The following TAOK3 variants were observed in gnomAD, a reference collection of about 807,000 sequenced individuals.
The protein encoded by TAOK3 is TAO kinase 3, also known as serine/threonine-protein kinase TAO3.
In TAOK3, 40 loss-of-function variants were observed where a neutral mutation model predicts 120.4. The observed-to-expected ratio is 0.33, with a 90% confidence interval of 0.26 to 0.43. The LOEUF (loss-of-function observed/expected upper bound fraction) is 0.43, where lower values mean the gene tolerates loss of function less well. TAOK3 is among the 20% of genes least tolerant of loss of function. TAOK3 has a pLI of 1.00. For synonymous variants in TAOK3, 355 were observed against 387.5 expected (o/e 0.92, Z 0.99); for missense variants, 821 against 1,112.1 (o/e 0.74, Z 3.72).
At chr12:118,297,899 T>C (rs1242497809) in intron 1 of TAOK3, among the ~76,000 whole-genome samples, 1 of 151,866 alleles carries the variant, frequency 6.6e-6, no homozygotes, top group Non-Finnish European at 1.5e-5. Flanking sequence ...GGGGGAAAAA[T>C]AGTAACAATA....
At chr12:118,190,018 T>G in intron 13 of TAOK3, 77 bp from the exon 14 acceptor site, 2 of 1,579,312 alleles carry the variant, frequency 1.3e-6, no homozygotes, top group Non-Finnish European at 1.7e-6. Flanking sequence ...TCACCCCTCT[T>G]TCTGCACAAG....
chr12:118,231,801 T>C (rs1054677678), intron 9 of TAOK3, among the ~76,000 whole-genome samples: 1 of 151,702 alleles, frequency 6.6e-6, no homozygotes, highest in African/African-American at 2.4e-5. Context: ...TGCATGCCTG[T>C]AATCCCAGCT....
intron 17 of TAOK3, among the ~76,000 whole-genome samples, chr12:118,169,951 G>C (rs532920576): frequency 6.6e-6 from 1 of 151,464 alleles, no homozygotes; most frequent in African/African-American, 2.4e-5. Context: ...TCCATCTCCC[G>C]ACCTCGTGAT....
chr12:118,233,561 T>C (rs754661173), intron 9 of TAOK3, 113 bp downstream of exon 9: 11 of 825,856 alleles, frequency 1.3e-5, no homozygotes, highest in Non-Finnish European at 1.8e-5. Flanking sequence ...ACTCATTAAG[T>C]AATAGCCAGA....
intron 1 of TAOK3, among the ~76,000 whole-genome samples, chr12:118,368,493 C>T (rs1209127881): frequency 2.0e-5 from 3 of 146,976 alleles, no homozygotes; most frequent in Non-Finnish European, 3.0e-5. Context: ...CCACCGCGCC[C>T]GGCCTGGTTA....
At chr12:118,184,008 A>G (rs1391614263) in intron 14 of TAOK3, among the ~76,000 whole-genome samples, 1 of 152,144 alleles carries the variant, frequency 6.6e-6, no homozygotes, top group Non-Finnish European at 1.5e-5. Context: ...GGTGTCTGTA[A>G]AGAGGGTGGC....
intron 1 of TAOK3, among the ~76,000 whole-genome samples, chr12:118,365,895 T>C (rs1185203637): frequency 6.6e-6 from 1 of 152,222 alleles, no homozygotes; most frequent in Non-Finnish European, 1.5e-5. Flanking sequence ...AAACTGTATG[T>C]ATACGGTTTG....
intron 1 of TAOK3, among the ~76,000 whole-genome samples, chr12:118,314,532 T>C (rs1461497233): frequency 1.3e-5 from 2 of 152,162 alleles, no homozygotes; most frequent in African/African-American, 2.4e-5. Flanking sequence ...CTTTATTAGA[T>C]CTAATGTGAT....
intron 11 of TAOK3, among the ~76,000 whole-genome samples, chr12:118,205,179 A>C (rs1018260131): frequency 6.6e-6 from 1 of 151,702 alleles, no homozygotes; most frequent in Admixed American, 6.6e-5. Context: ...AAAAAAAATA[A>C]AAATAATAAA....
At chr12:118,226,763 T>C (rs1020972305) in intron 9 of TAOK3, among the ~76,000 whole-genome samples, 1 of 152,126 alleles carries the variant, frequency 6.6e-6, no homozygotes, top group East Asian at 1.9e-4. Context: ...TAAAATGCAA[T>C]CAAAGGCTGA....
intron 3 of TAOK3, among the ~76,000 whole-genome samples, chr12:118,252,444 G>A (rs1461744445): frequency 6.6e-6 from 1 of 152,018 alleles, no homozygotes; most frequent in African/African-American, 2.4e-5. Context: ...TCTGACTGAG[G>A]GAGACATAAA....
intron 11 of TAOK3, among the ~76,000 whole-genome samples, chr12:118,208,654 A>G (rs1365097549): frequency 6.6e-6 from 1 of 152,172 alleles, no homozygotes; most frequent in Non-Finnish European, 1.5e-5. Flanking sequence ...ATATCTATCT[A>G]AATTTAAAAT....
intron 1 of TAOK3, among the ~76,000 whole-genome samples, chr12:118,267,101 G>T (rs1323104207): frequency 6.6e-6 from 1 of 152,076 alleles, no homozygotes; most frequent in Non-Finnish European, 1.5e-5. Context: ...TGTTGTTAAG[G>T]CTTCTATTTT....
intron 12 of TAOK3, chr12:118,200,232 A>G (rs2037953298): frequency 6.6e-6 from 1 of 152,114 alleles, no homozygotes; most frequent in African/African-American, 2.4e-5. Flanking sequence ...TATTGATAAA[A>G]TACTTTTATG....
At chr12:118,268,939 C>T (rs1465338759) in intron 1 of TAOK3, among the ~76,000 whole-genome samples, 9 of 151,480 alleles carry the variant, frequency 5.9e-5, no homozygotes, top group Admixed American at 1.3e-4. Context: ...ACCTGGGAGG[C>T]GGAAGATGGG....
At chr12:118,234,212 A>ATTTT (rs763473530) in intron 8 of TAOK3, among the ~76,000 whole-genome samples, 818 of 58,300 alleles carry the variant, frequency 0.014, 141 homozygotes, top group Middle Eastern at 0.022. Flanking sequence ...AAAGCAGGAA[A>ATTTT]TTTTTTTTTT....
At position 118,181,440 on chromosome 12, in the gene TAOK3, C is replaced by T. The variant is rs751343090; in HGVS notation, c.1497G>A (p.Thr499=). 6.8e-6 allele frequency: 11 copies of T among 1,614,072 alleles called. No individual in the cohort carries two copies. Among genetic ancestry groups the T allele is most frequent in the Non-Finnish European group, 7.6e-6 (9 of 1,180,046 alleles). Residue 499 remains threonine (T), a synonymous_variant, in exon 15 of 21, where the codon ACG becomes ACA. Transcript: ENST00000392533. ...HRLKLQKEVE[T]HANNSSIELE... Reference sequence around the variant, plus strand: ...GCTCGATGGACGAGTTGTTGGCATGCGTCTCCACCTCCTTCTGTAGCTTGA... The same window carrying T: ...GCTCGATGGACGAGTTGTTGGCATGTGTCTCCACCTCCTTCTGTAGCTTGA...
chr12:118,299,706 C>T (rs1319848922), intron 1 of TAOK3, among the ~76,000 whole-genome samples: 1 of 152,020 alleles, frequency 6.6e-6, no homozygotes, highest in Non-Finnish European at 1.5e-5. Context: ...GACGGGGTTT[C>T]ACCATGTTGG....
intron 19 of TAOK3, among the ~76,000 whole-genome samples, chr12:118,159,109 C>A (rs892917649): frequency 2.0e-5 from 3 of 152,164 alleles, no homozygotes; most frequent in African/African-American, 7.2e-5. Flanking sequence ...GAACTTTGGG[C>A]TCACACCAAA....
Sources: gnomAD v4.1 joint callset for allele counts (sites outside exome capture counted in the v4.1 genomes callset) on GRCh38, gnomAD v4.1.1 for gene constraint, MANE v1.5 for transcripts, NCBI Gene and HGNC (gene_info 2026-07-23, HGNC 2026-07-21) for gene names.